Variants in TMEM43 observed in about 807,000 individuals in gnomAD.
TMEM43 encodes arrhythmogenic right ventricular dysplasia 5.
A neutral mutation model predicts 49.6 loss-of-function variants in TMEM43; 45 were observed. The observed-to-expected ratio is 0.91, with a 90% CI of 0.71 to 1.16. TMEM43 has a LOEUF of 1.16. TMEM43 is among the 50% of genes most tolerant of loss of function. The pLI is 0.00. For synonymous variants in TMEM43, 199 were observed against 207.8 expected, an observed-to-expected ratio of 0.96 and a Z score of 0.36; for missense variants, 532 against 516.6, an observed-to-expected ratio of 1.03 and a Z score of -0.29.
intron 6 of TMEM43, 27 bp downstream of exon 6, chr3:14,132,962 G>A (rs1381708446): frequency 2.5e-6 from 4 of 1,588,098 alleles, no homozygotes; most frequent in Non-Finnish European, 3.5e-6. Context: ...AGGCCTGAGT[G>A]CAGCTTTGTC....
At chr3:14,126,055 G>A (rs148854406) in intron 1 of TMEM43, among the ~76,000 whole-genome samples, 22 of 152,232 alleles carry the variant, frequency 1.4e-4, no homozygotes, top group African/African-American at 5.3e-4. Context: ...GAGTGTCCTA[G>A]CAGCTCTCCC....
intron 2 of TMEM43, among the ~76,000 whole-genome samples, 185 bp from the exon 3 acceptor site, chr3:14,130,637 G>A (rs1427023703): frequency 6.6e-6 from 1 of 152,104 alleles, no homozygotes; most frequent in African/African-American, 2.4e-5. Flanking sequence ...GTCTCCCTGG[G>A]AAAGCAGGAA....
chr3:14,133,707 GCC>G (rs1342555181), intron 6 of TMEM43, 30 bp from the exon 7 acceptor site: 6 of 1,608,548 alleles, frequency 3.7e-6, no homozygotes, highest in Non-Finnish European at 4.3e-6. Flanking sequence ...CCACACCGGT[GCC>G]CATCTCTGAC....
At position 14,134,909 on chromosome 3, in the gene TMEM43, G is replaced by A. The variant is rs1258937839; in HGVS notation, c.705+18G>A. On this transcript the variant is annotated intron_variant, in intron 8 of 11. Coordinates refer to ENST00000306077, the MANE Select transcript of TMEM43 (RefSeq NM_024334.3). The stretch of plus-strand genomic sequence containing the variant: ...ATCCAGAGGTGTGCGGAGAGGCCTG[G>A]GCTCTCCAAATAGGAGGGTCAGGGC... The A allele has an allele frequency of 1.2e-6, 2 of 1,614,012 alleles. No homozygotes were observed. The highest frequency in any genetic ancestry group is 1.7e-6 in the Non-Finnish European group (2 of 1,179,966).
chr3:14,136,226 A>G (rs1366914591), intron 10 of TMEM43, among the ~76,000 whole-genome samples: 2 of 152,178 alleles, frequency 1.3e-5, no homozygotes, highest in Non-Finnish European at 2.9e-5. Context: ...ATACAATGCA[A>G]CCCGTCACAT....
chr3:14,138,973 G>A (rs1695212878), intron 10 of TMEM43, among the ~76,000 whole-genome samples: 2 of 152,174 alleles, frequency 1.3e-5, no homozygotes, highest in South Asian at 2.1e-4. Flanking sequence ...AGGCCCGTAC[G>A]TTCCACAGAG....
chr3:14,137,922 A>G (rs2731329), intron 10 of TMEM43: 25,487 of 152,244 alleles, frequency 0.17, 2,520 homozygotes, highest in Non-Finnish European at 0.22. Flanking sequence ...CCTTGGGCAC[A>G]TGACTTATTC....
intron 11 of TMEM43, 26 bp downstream of exon 11, chr3:14,139,323 C>T (rs775001840): frequency 6.0e-6 from 9 of 1,511,336 alleles, no homozygotes; most frequent in East Asian, 4.5e-5. Context: ...GGTCACTGCC[C>T]TCCCTCCTGC....
At chr3:14,137,568 G>C (rs1246416803) in intron 10 of TMEM43, among the ~76,000 whole-genome samples, 3 of 152,136 alleles carry the variant, frequency 2.0e-5, no homozygotes, top group Non-Finnish European at 4.4e-5. Flanking sequence ...GTAGAAAAAA[G>C]GCCCAGAGCC....
chr3:14,136,894 G>A (rs2124993097), intron 10 of TMEM43, among the ~76,000 whole-genome samples: 1 of 149,360 alleles, frequency 6.7e-6, no homozygotes, highest in African/African-American at 2.5e-5. Flanking sequence ...AAGTTAGCCT[G>A]TCTTCTCTAG....
chr3:14,135,080 C>T (rs560980610), intron 8 of TMEM43, 78 bp from the exon 9 acceptor site: 12 of 1,496,598 alleles, frequency 8.0e-6, no homozygotes, highest in East Asian at 2.3e-5. Flanking sequence ...GCCTGAGGGG[C>T]GTAGCCGAGG....
chr3:14,127,681 T>C (rs568252322), intron 1 of TMEM43, among the ~76,000 whole-genome samples: 1 of 152,366 alleles, frequency 6.6e-6, no homozygotes. Flanking sequence ...TTTGCCATTG[T>C]CATCATTGTG....
chr3:14,141,415 G>T (rs1479942226), intron 11 of TMEM43, among the ~76,000 whole-genome samples, 178 bp from the exon 12 acceptor site: 1 of 152,234 alleles, frequency 6.6e-6, no homozygotes, highest in Non-Finnish European at 1.5e-5. Context: ...GCTCATAGCA[G>T]AGGCTCCTGT....
At chr3:14,132,708 A>T (rs976827571) in intron 5 of TMEM43, 113 bp downstream of exon 5, 1 of 1,418,230 alleles carries the variant, frequency 7.1e-7, no homozygotes, top group Non-Finnish European at 9.9e-7. Flanking sequence ...AGGCATCAGG[A>T]TCCCTGGGTG....
chr3:14,125,274 CCT>C, intron 1 of TMEM43, 69 bp downstream of exon 1: 1 of 1,547,720 alleles, frequency 6.5e-7, no homozygotes, highest in Non-Finnish European at 8.7e-7. Flanking sequence ...TCCCCGGGGT[CCT>C]CTAGGTCCAT....
intron 1 of TMEM43, chr3:14,129,038 C>T (rs1451831314): frequency 2.3e-6 from 1 of 442,274 alleles, no homozygotes; most frequent in Non-Finnish European, 4.5e-6. Flanking sequence ...GGAGTTGGTG[C>T]CCTGATTCCA....
intron 11 of TMEM43, among the ~76,000 whole-genome samples, chr3:14,139,875 G>A (rs1207942469): frequency 6.6e-6 from 1 of 152,204 alleles, no homozygotes; most frequent in Non-Finnish European, 1.5e-5. Context: ...AGTGAGCCCA[G>A]TAGGAGACCT....
chr3:14,133,857 C>T (rs1396668881), intron 7 of TMEM43, 48 bp downstream of exon 7: 15 of 1,550,880 alleles, frequency 9.7e-6, no homozygotes, highest in African/African-American at 1.4e-5. Flanking sequence ...AGCACAAGGC[C>T]CCCCTAGGGC....
rs187725428 is a variant in TMEM43 at position 14,131,682 on chromosome 3, G to T, written c.392+8G>T. The stretch of plus-strand genomic sequence containing the variant: ...AGAAACTGAGGAGTCCAGGTGAGCT[G>T]TTGGGGTGAAAACTCTGTTGGGGTA... On this transcript the variant is annotated splice_region_variant and intron_variant, in intron 4 of 11. Transcript: ENST00000306077. 1.2e-6 allele frequency: 2 copies of T among 1,609,388 alleles called. No individual in the cohort carries two copies. Among genetic ancestry groups the T allele is most frequent in the African/African-American group, 1.3e-5 (1 of 74,972 alleles).
Sources: gnomAD v4.1 joint callset for allele counts (sites outside exome capture counted in the v4.1 genomes callset) on GRCh38, gnomAD v4.1.1 for gene constraint, MANE v1.5 for transcripts, NCBI Gene and HGNC (gene_info 2026-07-23, HGNC 2026-07-21) for gene names.